The following ABCG2 variants were observed in gnomAD, a reference collection of about 807,000 sequenced individuals.
ABCG2 encodes the protein broad substrate specificity ATP-binding cassette transporter ABCG2.
In ABCG2, 80 loss-of-function variants were observed where a neutral mutation model predicts 73.5. That is an observed-to-expected ratio of 1.09 (90% CI 0.91 to 1.31). The LOEUF (loss-of-function observed/expected upper bound fraction) is 1.31, where lower values mean the gene tolerates loss of function less well. Among genes scored for constraint, ABCG2 ranks in the 50% most tolerant of loss-of-function variants. The pLI is 0.00. For synonymous variants in ABCG2, 269 were observed against 282.4 expected (o/e 0.95, Z 0.48); for missense variants, 796 against 786.2 (o/e 1.01, Z -0.15).
At chr4:88,109,147 C>T (rs989397827) in intron 9 of ABCG2, among the ~76,000 whole-genome samples, 3 of 151,928 alleles carry the variant, frequency 2.0e-5, no homozygotes, top group African/African-American at 7.3e-5. Flanking sequence ...TACATGCGCC[C>T]ACCACCAAGC....
chr4:88,118,061 A>G, intron 7 of ABCG2, 48 bp downstream of exon 7: 2 of 1,581,144 alleles, frequency 1.3e-6, no homozygotes, highest in East Asian at 2.3e-5. Flanking sequence ...GCTCTCCTTC[A>G]GGATTCTATT....
chr4:88,167,813 A>C (rs1348117034), intron 1 of ABCG2, among the ~76,000 whole-genome samples: 1 of 152,182 alleles, frequency 6.6e-6, no homozygotes, highest in Non-Finnish European at 1.5e-5. Context: ...GTGCTTGATG[A>C]AATAACCAGG....
Position 88,139,964 on chromosome 4 carries a change from G to A in ABCG2, c.32C>T (p.Pro11Leu), listed in dbSNP as rs930748886. The A allele has an allele frequency of 1.2e-6, 2 of 1,614,048 alleles. No individual in the cohort carries two copies. Among genetic ancestry groups the A allele is most frequent in the Middle Eastern group, 1.7e-4 (1 of 6,060 alleles). The change falls in exon 2 of 16, where the codon CCA (proline) becomes CTA (leucine). Residue 11 changes from proline to leucine, a missense_variant. Physicochemically the swap from Pro to Leu is moderately conservative, Grantham distance 98. Coordinates refer to ENST00000237612, the MANE Select transcript of ABCG2 (RefSeq NM_004827.3). The part of the protein sequence containing the change: MSSSNVEVFI[P>L]VSQGNTNGFP... ...GCCATTGGTGTTTCCTTGTGACACT[G>A]GGATAAAAACTTCGACATTACTGGA...
At chr4:88,183,536 C>T (rs6821227) in intron 1 of ABCG2, among the ~76,000 whole-genome samples, 127,952 of 152,102 alleles carry the variant, frequency 0.84, 53,992 homozygotes, top group East Asian at 1. Context: ...AAAATGTGAA[C>T]AGACTAATAA....
intron 9 of ABCG2, among the ~76,000 whole-genome samples, chr4:88,109,652 T>C (rs1722997369): frequency 6.6e-6 from 1 of 152,200 alleles, no homozygotes; most frequent in Non-Finnish European, 1.5e-5. Context: ...AGATAATCCA[T>C]TCATTCTAAG....
At chr4:88,133,464 C>T (rs1478013940) in intron 2 of ABCG2, among the ~76,000 whole-genome samples, 2 of 152,054 alleles carry the variant, frequency 1.3e-5, no homozygotes, top group East Asian at 3.9e-4. Context: ...CTGGAAAATT[C>T]CAAGTTTAGA....
intron 1 of ABCG2, among the ~76,000 whole-genome samples, chr4:88,218,647 A>C (rs2904184): frequency 1 from 151,511 of 152,232 alleles, 75,404 homozygotes; most frequent in East Asian, 1. Flanking sequence ...GCCTTTGCAT[A>C]CTGATAGCTT....
At chr4:88,174,834 T>C (rs1297429486) in intron 1 of ABCG2, among the ~76,000 whole-genome samples, 4 of 152,222 alleles carry the variant, frequency 2.6e-5, no homozygotes, top group African/African-American at 9.6e-5. Context: ...ATTGCCTAGG[T>C]TTTCTCCTAG....
rs1222456425 is a variant in ABCG2, at chr4:88,144,193, TC to T, written c.-19-4180del. 2.0e-5 allele frequency among the ~76,000 whole-genome samples: 3 copies of T among 152,336 alleles called. No individual in the cohort carries two copies. The East Asian group carries it at 5.8e-4, about 29-fold the overall frequency. ...ATCCATTTCTTTTTCTCTTTCTGTG[TC>T]CTAGACCCCCTGCAAAGCCTTAAGT... On this transcript the variant is annotated intron_variant, in intron 1 of 15. Transcript: ENST00000237612.
intron 1 of ABCG2, among the ~76,000 whole-genome samples, chr4:88,228,712 T>G (rs1426704215): frequency 6.6e-6 from 1 of 152,134 alleles, no homozygotes; most frequent in Non-Finnish European, 1.5e-5. Flanking sequence ...AGCTAGAGGA[T>G]TGTAAACGCA....
chr4:88,122,019 C>T (rs899941635), intron 5 of ABCG2, among the ~76,000 whole-genome samples: 1 of 152,070 alleles, frequency 6.6e-6, no homozygotes, highest in Admixed American at 6.5e-5. Flanking sequence ...ATACAAAGCA[C>T]CTCCTTGGGT....
intron 9 of ABCG2, among the ~76,000 whole-genome samples, chr4:88,110,198 C>T (rs1315217975): frequency 2.0e-5 from 3 of 151,988 alleles, no homozygotes; most frequent in Non-Finnish European, 4.4e-5. Context: ...AATTTCAGTG[C>T]CAATGTATAA....
chr4:88,172,367 G>A (rs760661564), intron 1 of ABCG2, among the ~76,000 whole-genome samples: 4 of 149,558 alleles, frequency 2.7e-5, no homozygotes, highest in African/African-American at 4.9e-5. Flanking sequence ...GGAGCTGGGC[G>A]GATCACCTGA....
chr4:88,154,459 C>T (rs1036686422), intron 1 of ABCG2, among the ~76,000 whole-genome samples: 3 of 152,106 alleles, frequency 2.0e-5, no homozygotes, highest in African/African-American at 4.8e-5. Flanking sequence ...GCAATGAGTT[C>T]GGCTTGCTGA....
chr4:88,091,900 A>G lies in ABCG2; in HGVS notation c.*334T>C. The G allele has an allele frequency of 4.9e-6, 1 of 203,056 alleles. No homozygotes were observed. The allele number at this position is 203,056 out of a possible 1,614,324, so 12.6% of individuals were successfully genotyped here. On this transcript the variant is annotated 3_prime_UTR_variant, in exon 16 of 16. Transcript: ENST00000237612. ...GGCTACTAACCTACCTATTCATTTTAAAGATGAGGAAACAAATGCCAGAGA... is the reference window on the plus strand; with the variant it reads ...GGCTACTAACCTACCTATTCATTTTGAAGATGAGGAAACAAATGCCAGAGA...
intron 1 of ABCG2, among the ~76,000 whole-genome samples, chr4:88,147,942 A>G (rs1002791621): frequency 4.6e-5 from 7 of 152,352 alleles, no homozygotes; most frequent in South Asian, 4.1e-4. Context: ...AATGCAGGAC[A>G]TACTTCCAGC....
intron 1 of ABCG2, among the ~76,000 whole-genome samples, chr4:88,172,625 A>C (rs1193460715): frequency 6.6e-6 from 1 of 152,116 alleles, no homozygotes; most frequent in African/African-American, 2.4e-5. Flanking sequence ...ATAAGTAAAT[A>C]AAGTATAGAC....
At chr4:88,213,625 A>AAT (rs1018515629) in intron 1 of ABCG2, among the ~76,000 whole-genome samples, 31 of 151,082 alleles carry the variant, frequency 2.1e-4, no homozygotes, top group East Asian at 1.2e-3. Flanking sequence ...TATGTGTGTG[A>AAT]ATATATATAT....
intron 1 of ABCG2, among the ~76,000 whole-genome samples, chr4:88,194,859 GC>G (rs925276900): frequency 6.6e-6 from 1 of 152,046 alleles, no homozygotes; most frequent in African/African-American, 2.4e-5. Context: ...TTAATGGGGA[GC>G]CCGATGGTGT....
Sources: allele counts gnomAD v4.1 joint callset (sites outside exome capture counted in the v4.1 genomes callset), GRCh38; gene constraint gnomAD v4.1.1; transcripts MANE v1.5; gene names NCBI Gene and HGNC (gene_info 2026-07-23, HGNC 2026-07-21).